PRR16: variants seen among roughly 807,000 people sequenced by gnomAD.
The protein encoded by PRR16 is proline rich 16.
PRR16 carries 6 observed loss-of-function variants against 18.2 expected under a neutral mutation model. The ratio of observed to expected loss-of-function variants is 0.33; its 90% CI spans 0.18 to 0.65. The LOEUF (loss-of-function observed/expected upper bound fraction) is 0.65, where lower values mean the gene tolerates loss of function less well. Ranked by LOEUF, PRR16 falls within the 30% of genes least tolerant of loss-of-function variation. The pLI, the probability that PRR16 is intolerant of heterozygous loss-of-function variation, is 0.74. For synonymous variants in PRR16, 151 were observed against 147.8 expected (o/e 1.02, Z -0.16); for missense variants, 412 against 376.6 (o/e 1.09, Z -0.78).
At chr5:120,523,726 A>C (rs917899103) in intron 1 of PRR16, among the ~76,000 whole-genome samples, 1 of 152,158 alleles carries the variant, frequency 6.6e-6, no homozygotes, top group Admixed American at 6.5e-5. Flanking sequence ...TTAATACAAC[A>C]TCTTTTCTAG....
At chr5:120,758,094 CATT>C in the PRR16 span, among the ~76,000 whole-genome samples, 3 of 151,950 alleles carry the variant, frequency 2.0e-5, no homozygotes, top group African/African-American at 7.2e-5. Flanking sequence ...ACTTTATTAA[CATT>C]ATTAACTATT....
chr5:120,482,480 A>G (rs1275914706), intron 1 of PRR16, among the ~76,000 whole-genome samples: 1 of 152,148 alleles, frequency 6.6e-6, no homozygotes, highest in African/African-American at 2.4e-5. Context: ...TTATGACTGT[A>G]TAGTATTCCA....
intron 1 of PRR16, among the ~76,000 whole-genome samples, chr5:120,496,005 C>G (rs1750233554): frequency 6.6e-6 from 1 of 151,760 alleles, no homozygotes; most frequent in South Asian, 2.1e-4. Flanking sequence ...TTTTACTTTT[C>G]TGAAAATTTT....
chr5:120,594,675 G>T lies in PRR16; in HGVS notation c.160-91279G>T, dbSNP rs148606683. ...GGCAATCCTAAGCAAAAAGAACAAAGCTGGAGGCATCATGCTGCCTGATTT... is the reference window on the plus strand; with the variant it reads ...GGCAATCCTAAGCAAAAAGAACAAATCTGGAGGCATCATGCTGCCTGATTT... On this transcript the variant is annotated intron_variant, in intron 1 of 1. Transcript: ENST00000407149. 6.3e-3 allele frequency among the ~76,000 whole-genome samples: 963 copies of T among 152,174 alleles called. 12 individuals are homozygous for T. Among genetic ancestry groups the T allele is most frequent in the African/African-American group, 0.022 (922 of 41,524 alleles).
intron 1 of PRR16, among the ~76,000 whole-genome samples, chr5:120,665,286 C>A (rs574268772): frequency 6.6e-6 from 1 of 151,380 alleles, no homozygotes; most frequent in Non-Finnish European, 1.5e-5. Context: ...TATCCTTCAC[C>A]CACTTTTTGA....
downstream of PRR16, among the ~76,000 whole-genome samples, chr5:120,688,945 CCATGA>C (rs1757178851): frequency 6.6e-6 from 1 of 152,146 alleles, no homozygotes; most frequent in Non-Finnish European, 1.5e-5. Context: ...CAAAGCTTCT[CCATGA>C]AAGACCATAT....
At chr5:120,670,527 C>T (rs1350851829) in intron 1 of PRR16, among the ~76,000 whole-genome samples, 2 of 152,104 alleles carry the variant, frequency 1.3e-5, no homozygotes, top group African/African-American at 2.4e-5. Flanking sequence ...GCCTATTCTA[C>T]AAGAATTTCA....
At chr5:120,716,386 A>G in the PRR16 span, among the ~76,000 whole-genome samples, 2 of 151,854 alleles carry the variant, frequency 1.3e-5, no homozygotes, top group South Asian at 2.1e-4. Flanking sequence ...TCCACTATCT[A>G]CTCCATAAAC....
rs145521423 is a variant in PRR16 at position 120,580,964 on chromosome 5, G to A, written c.160-104990G>A. The stretch of plus-strand genomic sequence containing the variant: ...AGGATTTTCACATCAACATTCATCA[G>A]GGATATTGGCCTGAAGTATTTTGTG... On this transcript the variant is annotated intron_variant, in intron 1 of 1. Coordinates refer to ENST00000407149, the MANE Select transcript of PRR16 (RefSeq NM_001300783.2). Among the ~76,000 whole-genome samples, 775 of 152,266 alleles carry A rather than the reference G, an allele frequency of 5.1e-3. 5 individuals carry two copies. Among genetic ancestry groups the A allele is most frequent in the African/African-American group, 0.016 (672 of 41,542 alleles).
chr5:120,786,415 A>G, the PRR16 span, among the ~76,000 whole-genome samples: 1 of 151,646 alleles, frequency 6.6e-6, no homozygotes, highest in Admixed American at 6.6e-5. Flanking sequence ...GTCAGGAGAA[A>G]TAAGACAGAT....
chr5:120,613,825 C>A (rs563755135), intron 1 of PRR16, among the ~76,000 whole-genome samples: 2 of 152,302 alleles, frequency 1.3e-5, no homozygotes, highest in East Asian at 1.9e-4. Context: ...GACTGAGAAT[C>A]CAATAGCCCT....
chr5:120,657,345 G>A (rs961763001), intron 1 of PRR16, among the ~76,000 whole-genome samples: 10 of 151,928 alleles, frequency 6.6e-5, no homozygotes, highest in Non-Finnish European at 1.5e-4. Flanking sequence ...TTGTGCAGTG[G>A]TGTGCTTGAG....
chr5:120,495,028 C>T (rs1040239777), intron 1 of PRR16, among the ~76,000 whole-genome samples: 5 of 151,944 alleles, frequency 3.3e-5, no homozygotes, highest in Non-Finnish European at 7.4e-5. Flanking sequence ...TGATTCTTCC[C>T]ACTATATTCT....
chr5:120,734,114 C>A, the PRR16 span, among the ~76,000 whole-genome samples: 3 of 152,080 alleles, frequency 2.0e-5, no homozygotes, highest in South Asian at 6.2e-4. Context: ...GGATGTAAGC[C>A]CTAGGATTCA....
chr5:120,642,732 C>A (rs192962693), intron 1 of PRR16, among the ~76,000 whole-genome samples: 2 of 152,104 alleles, frequency 1.3e-5, no homozygotes, highest in Non-Finnish European at 2.9e-5. Flanking sequence ...ACTGGCTACT[C>A]ACCTTCTGAA....
At chr5:120,669,966 A>G (rs988567254) in intron 1 of PRR16, among the ~76,000 whole-genome samples, 6 of 152,100 alleles carry the variant, frequency 3.9e-5, no homozygotes, top group African/African-American at 1.4e-4. Context: ...TTTAGGGTAT[A>G]ATTACAATGT....
intron 1 of PRR16, among the ~76,000 whole-genome samples, chr5:120,594,457 T>C (rs1309734248): frequency 6.6e-6 from 1 of 152,066 alleles, no homozygotes; most frequent in East Asian, 1.9e-4. Context: ...AAATCAGAGA[T>C]GTTGCAAACA....
chr5:120,489,026 C>A lies in PRR16; in HGVS notation c.159+24381C>A, dbSNP rs185980259. On this transcript the variant is annotated intron_variant, in intron 1 of 1. Coordinates refer to ENST00000407149, the MANE Select transcript of PRR16 (RefSeq NM_001300783.2). ...ACTGTGGTCTGAGAGACAGTTTGTT[C>A]TAATTTCTGTTCTTTTACATTTGCT... Among the ~76,000 whole-genome samples, 136 of 152,086 alleles carry A rather than the reference C, an allele frequency of 8.9e-4. 1 individual carries two copies. The highest frequency in any genetic ancestry group is 1.5e-3 in the African/African-American group (62 of 41,510).
At chr5:120,768,633 G>A in the PRR16 span, among the ~76,000 whole-genome samples, 1 of 151,502 alleles carries the variant, frequency 6.6e-6, no homozygotes, top group African/African-American at 2.4e-5. Context: ...AAATTACAAA[G>A]AGAAAAACAA....
Sources: allele counts gnomAD v4.1 joint callset (sites outside exome capture counted in the v4.1 genomes callset), GRCh38; gene constraint gnomAD v4.1.1; transcripts MANE v1.5; gene names NCBI Gene and HGNC (gene_info 2026-07-23, HGNC 2026-07-21).